The following JAZF1 variants were observed in gnomAD, a reference collection of about 807,000 sequenced individuals.
JAZF1 encodes juxtaposed with another zinc finger protein 1.
Under a neutral mutation model 26.4 loss-of-function variants are expected in JAZF1, and 8 were observed. The observed-to-expected ratio is 0.30, with a 90% CI of 0.18 to 0.55. The LOEUF (loss-of-function observed/expected upper bound fraction) is 0.55. JAZF1 is among the 20% of genes least tolerant of loss of function. The probability of loss-of-function intolerance (pLI) is 0.94; values close to 1 mark genes in which losing one functional copy is unlikely to be tolerated. For missense variants in JAZF1, 199 were observed against 322.0 expected, an observed-to-expected ratio of 0.62 and a Z score of 2.92; for synonymous variants, 126 against 122.3, an observed-to-expected ratio of 1.03 and a Z score of -0.20.
chr7:28,154,776 A>G lies in JAZF1; in HGVS notation c.115+25687T>C, dbSNP rs1405069537. Among the ~76,000 whole-genome samples the G allele has an allele frequency of 3.3e-5, 5 of 152,186 alleles. No homozygotes were observed. In the East Asian group the frequency reaches 9.6e-4, roughly 29 times the overall value. On this transcript the variant is annotated intron_variant, in intron 1 of 4. Transcript: ENST00000283928. Reference sequence around the variant, plus strand: ...TTCTCAGTTTCAAAATTTCTGTAACATCATTGATTATAAATATATTCTATT... The same window carrying G: ...TTCTCAGTTTCAAAATTTCTGTAACGTCATTGATTATAAATATATTCTATT...
At chr7:28,154,653 A>C (rs939349859) in intron 1 of JAZF1, among the ~76,000 whole-genome samples, 5 of 152,042 alleles carry the variant, frequency 3.3e-5, no homozygotes, top group African/African-American at 1.2e-4. Context: ...GATCTTATTA[A>C]TCTATCACTG....
intron 1 of JAZF1, among the ~76,000 whole-genome samples, chr7:28,127,158 G>A (rs1397401062): frequency 6.6e-6 from 1 of 152,170 alleles, no homozygotes; most frequent in African/African-American, 2.4e-5. Flanking sequence ...GGATCCTAAG[G>A]CTAACCTTAA....
chr7:28,072,708 A>G (rs930850038), intron 1 of JAZF1, among the ~76,000 whole-genome samples: 1 of 152,218 alleles, frequency 6.6e-6, no homozygotes, highest in Admixed American at 6.5e-5. Flanking sequence ...GGAAAGATAT[A>G]AACACTTAAC....
At chr7:28,000,846 TG>T (rs1786140952) in intron 1 of JAZF1, among the ~76,000 whole-genome samples, 1 of 151,998 alleles carries the variant, frequency 6.6e-6, no homozygotes, top group African/African-American at 2.4e-5. Flanking sequence ...CTCGAACTCC[TG>T]GGCTCAAGCA....
At chr7:28,107,260 C>T (rs1483078312) in intron 1 of JAZF1, among the ~76,000 whole-genome samples, 3 of 152,204 alleles carry the variant, frequency 2.0e-5, no homozygotes, top group African/African-American at 2.4e-5. Context: ...CAGAGTTTTA[C>T]AACCAGTCTC....
intron 1 of JAZF1, among the ~76,000 whole-genome samples, chr7:28,170,335 ATATGTGTGTGTGTGTGTGTG>A (rs1285887803): frequency 0.043 from 6,068 of 140,078 alleles, 143 homozygotes; most frequent in Admixed American, 0.053. Flanking sequence ...AGAGAAGTTG[ATATGTGTGTGTGTGTGTGTG>A]TGTGTGTGTG....
At chr7:27,932,101 A>C (rs1381869070) in intron 2 of JAZF1, among the ~76,000 whole-genome samples, 1 of 152,282 alleles carries the variant, frequency 6.6e-6, no homozygotes, top group East Asian at 1.9e-4. Flanking sequence ...TGGAGAAATA[A>C]GCCAAAGGAA....
At chr7:28,020,792 G>T (rs377510723) in intron 1 of JAZF1, 6 of 430,834 alleles carry the variant, frequency 1.4e-5, no homozygotes, top group East Asian at 7.1e-5. Context: ...AGCACCCAAG[G>T]CTTCTTTAGG....
At chr7:27,922,760 G>A (rs1024315452) in intron 2 of JAZF1, among the ~76,000 whole-genome samples, 1 of 151,846 alleles carries the variant, frequency 6.6e-6, no homozygotes, top group African/African-American at 2.4e-5. Flanking sequence ...AGTTTAATCT[G>A]TGCCAGGTAA....
At chr7:27,914,504 G>A (rs1784412792) in intron 2 of JAZF1, among the ~76,000 whole-genome samples, 1 of 152,110 alleles carries the variant, frequency 6.6e-6, no homozygotes, top group Non-Finnish European at 1.5e-5. Flanking sequence ...TTTTGTTTAG[G>A]TTTATATAAA....
chr7:28,022,261 C>T (rs959891142), intron 1 of JAZF1, among the ~76,000 whole-genome samples: 1 of 152,188 alleles, frequency 6.6e-6, no homozygotes, highest in Non-Finnish European at 1.5e-5. Context: ...GTAACTTTCC[C>T]ACTTCTTAAG....
intron 2 of JAZF1, among the ~76,000 whole-genome samples, chr7:27,932,703 A>G (rs1375767383): frequency 6.6e-6 from 1 of 152,246 alleles, no homozygotes; most frequent in Non-Finnish European, 1.5e-5. Flanking sequence ...AAGTCTTTCA[A>G]GATGTGAAAA....
At chr7:28,110,572 G>T in intron 1 of JAZF1, among the ~76,000 whole-genome samples, 1 of 122,290 alleles carries the variant, frequency 8.2e-6, no homozygotes, top group Admixed American at 9.4e-5. Context: ...AAAGGAAAAG[G>T]GAAAGGGAAA....
chr7:28,166,324 G>A (rs908520896), intron 1 of JAZF1, among the ~76,000 whole-genome samples: 54 of 152,328 alleles, frequency 3.5e-4, no homozygotes, highest in African/African-American at 1.2e-3. Context: ...TGCTGTGCAA[G>A]CTTCTAAAAC....
At chr7:28,048,590 T>G (rs1400726632) in intron 1 of JAZF1, among the ~76,000 whole-genome samples, 1 of 152,212 alleles carries the variant, frequency 6.6e-6, no homozygotes, top group Non-Finnish European at 1.5e-5. Flanking sequence ...GACTTCTGGG[T>G]TCCTATATGA....
At chr7:27,923,820 T>C (rs1403071967) in intron 2 of JAZF1, among the ~76,000 whole-genome samples, 1 of 152,208 alleles carries the variant, frequency 6.6e-6, no homozygotes, top group Non-Finnish European at 1.5e-5. Flanking sequence ...GAGAAAGGTC[T>C]GAACCAATTT....
Position 27,840,685 on chromosome 7 carries a change from G to A in JAZF1, c.555+13C>T, listed in dbSNP as rs1377308577. 2 of 1,613,388 alleles carry A rather than the reference G, an allele frequency of 1.2e-6. No individual in the cohort carries two copies. The highest frequency in any genetic ancestry group is 1.7e-6 in the Non-Finnish European group (2 of 1,179,604). On this transcript the variant is annotated intron_variant, in intron 4 of 4. Transcript: ENST00000283928. This position sits in a 1 kb window ranked among gnomAD's most constrained non-coding sequence, Gnocchi z 5.1. ...TCCATGTGGTTATGCCAAGCATGCAGCACCTCTGTTACCTTGTATCTCTTT... is the reference window on the plus strand; with the variant it reads ...TCCATGTGGTTATGCCAAGCATGCAACACCTCTGTTACCTTGTATCTCTTT...
chr7:27,834,945 T>C (rs897501287), intron 4 of JAZF1, among the ~76,000 whole-genome samples: 1 of 152,222 alleles, frequency 6.6e-6, no homozygotes, highest in Non-Finnish European at 1.5e-5. Context: ...CTTTCAACTT[T>C]AATATGGTGG....
At chr7:27,918,313 G>A (rs1328648983) in intron 2 of JAZF1, among the ~76,000 whole-genome samples, 1 of 152,050 alleles carries the variant, frequency 6.6e-6, no homozygotes, top group Non-Finnish European at 1.5e-5. Context: ...TTCAAGCTCT[G>A]GCTTGAGTTA....
Sources: allele counts gnomAD v4.1 joint callset (sites outside exome capture counted in the v4.1 genomes callset), GRCh38; gene constraint gnomAD v4.1.1; non-coding constraint Gnocchi (gnomAD v3.1); transcripts MANE v1.5; gene names NCBI Gene and HGNC (gene_info 2026-07-23, HGNC 2026-07-21).